EXOC6B: variants seen among roughly 807,000 people sequenced by gnomAD.
EXOC6B encodes SEC15 homolog B.
In EXOC6B, 54 loss-of-function variants were observed where a neutral mutation model predicts 113.5. The observed-to-expected ratio is 0.48, with a 90% confidence interval of 0.38 to 0.60. EXOC6B has a LOEUF of 0.60. EXOC6B is among the 20% of genes least tolerant of loss of function. The pLI is 0.00. For missense variants in EXOC6B, 797 were observed against 977.5 expected (o/e 0.82, Z 2.46); for synonymous variants, 357 against 339.0 (o/e 1.05, Z -0.58).
chr2:72,393,703 G>A (rs1182913730), intron 18 of EXOC6B, among the ~76,000 whole-genome samples: 1 of 152,066 alleles, frequency 6.6e-6, no homozygotes. Flanking sequence ...CTTTAGTCTT[G>A]ATTTCCATTG....
At chr2:72,234,079 G>A (rs1271441348) in intron 20 of EXOC6B, among the ~76,000 whole-genome samples, 1 of 136,432 alleles carries the variant, frequency 7.3e-6, no homozygotes, top group African/African-American at 3.0e-5. Flanking sequence ...AAGCTGGACC[G>A]CCTCTTTTTT....
chr2:72,602,714 G>C (rs1670504431), intron 6 of EXOC6B, among the ~76,000 whole-genome samples: 1 of 152,094 alleles, frequency 6.6e-6, no homozygotes, highest in African/African-American at 2.4e-5. Context: ...TGTCACACAG[G>C]TTATTGACTT....
chr2:72,224,819 T>TGCGCAC (rs374010260), intron 20 of EXOC6B, among the ~76,000 whole-genome samples: 1 of 150,146 alleles, frequency 6.7e-6, no homozygotes, highest in Non-Finnish European at 1.5e-5. Flanking sequence ...TGTGTGTGTG[T>TGCGCAC]GCGTGTGTGT....
At chr2:72,385,093 T>C (rs995823607) in intron 18 of EXOC6B, among the ~76,000 whole-genome samples, 4 of 152,126 alleles carry the variant, frequency 2.6e-5, no homozygotes, top group East Asian at 1.9e-4. Context: ...AGCTGTCACA[T>C]AGTCTGATTT....
intron 19 of EXOC6B, among the ~76,000 whole-genome samples, chr2:72,370,618 T>C (rs928570108): frequency 7.9e-5 from 12 of 152,094 alleles, no homozygotes; most frequent in Non-Finnish European, 1.3e-4. Flanking sequence ...AACCCAAATG[T>C]CCGACAATGA....
At chr2:72,808,047 T>C (rs1229773572) in intron 1 of EXOC6B, among the ~76,000 whole-genome samples, 1 of 152,176 alleles carries the variant, frequency 6.6e-6, no homozygotes, top group Non-Finnish European at 1.5e-5. Context: ...CATGTCTGTG[T>C]CAAAACATCT....
At chr2:72,634,992 A>G (rs550924443) in intron 6 of EXOC6B, among the ~76,000 whole-genome samples, 1 of 152,228 alleles carries the variant, frequency 6.6e-6, no homozygotes, top group South Asian at 2.1e-4. Context: ...AAACATCTCA[A>G]AAAAAGTAAA....
chr2:72,631,290 A>G (rs180732692), intron 6 of EXOC6B, among the ~76,000 whole-genome samples: 3 of 151,550 alleles, frequency 2.0e-5, no homozygotes, highest in Admixed American at 2.0e-4. Context: ...CATTTAAATG[A>G]GTCAAAGATA....
intron 20 of EXOC6B, among the ~76,000 whole-genome samples, chr2:72,257,924 T>A (rs1573106963): frequency 6.6e-6 from 1 of 152,248 alleles, no homozygotes; most frequent in African/African-American, 2.4e-5. Flanking sequence ...AATATCTCAG[T>A]CAAGTGCTAG....
At chr2:72,446,185 C>T (rs893629354) in intron 18 of EXOC6B, among the ~76,000 whole-genome samples, 7 of 152,146 alleles carry the variant, frequency 4.6e-5, no homozygotes, top group African/African-American at 1.7e-4. Flanking sequence ...CATAAAGACA[C>T]ATGCATGCAA....
intron 6 of EXOC6B, among the ~76,000 whole-genome samples, chr2:72,625,994 T>C (rs922790397): frequency 6.6e-6 from 1 of 152,180 alleles, no homozygotes; most frequent in African/African-American, 2.4e-5. Context: ...CTTTTGAATT[T>C]ACCCTCATTC....
intron 1 of EXOC6B, among the ~76,000 whole-genome samples, chr2:72,810,888 A>C (rs1685875016): frequency 6.6e-6 from 1 of 152,018 alleles, no homozygotes. Context: ...GCCCTGACAA[A>C]AAGTACAAAA....
chr2:72,195,785 C>T (rs898836791), intron 20 of EXOC6B, among the ~76,000 whole-genome samples: 1 of 152,006 alleles, frequency 6.6e-6, no homozygotes, highest in South Asian at 2.1e-4. Context: ...TAGTAATAAG[C>T]TAATCAGATT....
intron 8 of EXOC6B, among the ~76,000 whole-genome samples, chr2:72,531,713 C>T (rs1460307300): frequency 3.9e-5 from 6 of 152,066 alleles, no homozygotes; most frequent in Non-Finnish European, 1.5e-5. Context: ...AGGCCAGGCA[C>T]GGTGACTCAC....
chr2:72,628,844 T>C (rs1672219639), intron 6 of EXOC6B, among the ~76,000 whole-genome samples: 1 of 152,154 alleles, frequency 6.6e-6, no homozygotes, highest in African/African-American at 2.4e-5. Flanking sequence ...GAGCCAGAAA[T>C]GACTAAGGCA....
At chr2:72,303,708 T>C (rs1686668208) in intron 20 of EXOC6B, among the ~76,000 whole-genome samples, 1 of 152,216 alleles carries the variant, frequency 6.6e-6, no homozygotes, top group Admixed American at 6.5e-5. Context: ...TCAACTTGAT[T>C]AAGAACCTTG....
At chr2:72,550,988 G>A (rs1703189508) in intron 8 of EXOC6B, among the ~76,000 whole-genome samples, 1 of 147,164 alleles carries the variant, frequency 6.8e-6, no homozygotes, top group Non-Finnish European at 1.5e-5. Flanking sequence ...GCGCGATCTT[G>A]GATAACTGCC....
At chr2:72,405,431 A>C (rs1256963792) in intron 18 of EXOC6B, among the ~76,000 whole-genome samples, 1 of 152,218 alleles carries the variant, frequency 6.6e-6, no homozygotes, top group East Asian at 1.9e-4. Context: ...TGAAGGACAA[A>C]ATGTTAAGGG....
At chr2:72,606,018 A>C (rs1048924665) in intron 6 of EXOC6B, among the ~76,000 whole-genome samples, 2 of 152,196 alleles carry the variant, frequency 1.3e-5, no homozygotes, top group Admixed American at 1.3e-4. Context: ...ATACAAAGCT[A>C]TATTTACTAT....
Sources: gnomAD v4.1 joint callset for allele counts (sites outside exome capture counted in the v4.1 genomes callset) on GRCh38, gnomAD v4.1.1 for gene constraint, MANE v1.5 for transcripts, NCBI Gene and HGNC (gene_info 2026-07-23, HGNC 2026-07-21) for gene names.